Variants in SERPINE3 observed in about 807,000 individuals in gnomAD.
The protein encoded by SERPINE3 is serpin family E member 3.
In SERPINE3, 43 loss-of-function variants were observed where a neutral mutation model predicts 41.7. The observed-to-expected ratio is 1.03, with a 90% CI of 0.81 to 1.33. The LOEUF (loss-of-function observed/expected upper bound fraction) is 1.33, where lower values mean the gene tolerates loss of function less well. SERPINE3 is among the 40% of genes most tolerant of loss of function. The pLI is 0.00. For missense variants in SERPINE3, 440 were observed against 491.7 expected, an observed-to-expected ratio of 0.89 and a Z score of 0.99; for synonymous variants, 200 against 192.2, an observed-to-expected ratio of 1.04 and a Z score of -0.34.
intron 6 of SERPINE3, among the ~76,000 whole-genome samples, chr13:51,349,092 G>T (rs1955381220): frequency 6.6e-6 from 1 of 152,192 alleles, no homozygotes; most frequent in African/African-American, 2.4e-5. Flanking sequence ...TTCTTTAAAT[G>T]ATGAGCTTCT....
intron 5 of SERPINE3, 109 bp from the exon 6 acceptor site, chr13:51,348,104 T>C: frequency 1.3e-6 from 1 of 793,290 alleles, no homozygotes; most frequent in South Asian, 1.8e-5. Flanking sequence ...AGGTGGATGC[T>C]CGGTTTTATT....
chr13:51,351,977 A>G (rs1039619197), intron 6 of SERPINE3, among the ~76,000 whole-genome samples: 1 of 152,120 alleles, frequency 6.6e-6, no homozygotes, highest in African/African-American at 2.4e-5. Flanking sequence ...CTGGACTTTC[A>G]ATTCTATCCT....
intron 9 of SERPINE3, 177 bp from the exon 10 acceptor site, chr13:51,364,062 G>A (rs1219813039): frequency 2.6e-6 from 1 of 388,522 alleles, no homozygotes; most frequent in Non-Finnish European, 4.5e-6. Flanking sequence ...AATATATTCT[G>A]GATTTTGTGT....
intron 7 of SERPINE3, among the ~76,000 whole-genome samples, chr13:51,357,085 C>T (rs1955491900): frequency 6.6e-6 from 1 of 152,180 alleles, no homozygotes; most frequent in Admixed American, 6.5e-5. Flanking sequence ...CCTGCTACAG[C>T]AGCAAAACTG....
At chr13:51,344,747 A>G (rs1419038691) in intron 4 of SERPINE3, among the ~76,000 whole-genome samples, 1 of 152,134 alleles carries the variant, frequency 6.6e-6, no homozygotes, top group East Asian at 1.9e-4. Context: ...ACAAGAACAC[A>G]GAATTGTGCT....
At chr13:51,344,687 C>T (rs1021950850) in intron 4 of SERPINE3, among the ~76,000 whole-genome samples, 1 of 151,956 alleles carries the variant, frequency 6.6e-6, no homozygotes, top group Non-Finnish European at 1.5e-5. Flanking sequence ...CCCTCTCCCA[C>T]ACAAATATAC....
chr13:51,358,875 A>G (rs1955519967), intron 7 of SERPINE3, among the ~76,000 whole-genome samples: 2 of 152,054 alleles, frequency 1.3e-5, no homozygotes, highest in African/African-American at 2.4e-5. Context: ...AGTTTCCCAA[A>G]GTATGTTCCC....
At chr13:51,358,608 T>C (rs1486869642) in intron 7 of SERPINE3, among the ~76,000 whole-genome samples, 1 of 152,142 alleles carries the variant, frequency 6.6e-6, no homozygotes, top group Non-Finnish European at 1.5e-5. Context: ...CTATTATTAA[T>C]TCATCCAGCA....
intron 9 of SERPINE3, chr13:51,363,142 TAGGTAAA>T (rs1183757999): frequency 6.6e-6 from 1 of 151,962 alleles, no homozygotes; most frequent in East Asian, 1.9e-4. Flanking sequence ...TAAAGGTTGA[TAGGTAAA>T]AGAGAGATTC....
chr13:51,340,982 AAC>A lies in SERPINE3; in HGVS notation c.-17-91_-17-90del, dbSNP rs1955283594. 10 of 1,327,822 alleles carry A rather than the reference AAC, an allele frequency of 7.5e-6. 1 individual carries two copies. In the South Asian group the frequency reaches 1.3e-4, roughly 18 times the overall value. 82.3% of individuals were successfully genotyped at this position (1,327,822 alleles called of 1,614,324 possible). On this transcript the variant is annotated intron_variant, in intron 2 of 9. Transcript: ENST00000681248. ...CCCTCAGCCGTCCCTAGCCCCTAAA[AAC>A]AGAGCTGGGGGTCCCAGTCCTCTGT...
chr13:51,352,895 A>T (rs565117574), intron 6 of SERPINE3, among the ~76,000 whole-genome samples: 2 of 152,230 alleles, frequency 1.3e-5, no homozygotes, highest in Admixed American at 6.5e-5. Context: ...TTAATATGGT[A>T]TATTATATTA....
chr13:51,344,400 T>A lies in SERPINE3; in HGVS notation c.405T>A (p.Ala135=), dbSNP rs1955325526. 1 of 1,611,846 alleles carries A rather than the reference T, an allele frequency of 6.2e-7. No homozygotes were observed. The highest frequency in any genetic ancestry group is 1.3e-5 in the African/African-American group (1 of 74,844). Residue 135 remains alanine (A), a synonymous_variant, in exon 4 of 10, where the codon GCT becomes GCA. Transcript: ENST00000681248. ...PCFVEHVSWW[A]NSSLEPADLS... is the part of the protein sequence containing the mutation. ...TTGTGGAGCACGTCTCCTGGTGGGC[T>A]AACAGCAGCCTGGAACCAGCCGACC...
chr13:51,361,877 G>C lies in SERPINE3; in HGVS notation c.1155G>C (p.Leu385=). ...CAGATCGGCCATTCATCTATTTCCT[G>C]AGAGAACCTAACACAGGTATTACAG... ...FKADRPFIYF[L]REPNTGFVFS... Residue 385 remains leucine (L), a synonymous_variant, in exon 9 of 10, where the codon CTG becomes CTC. Transcript: ENST00000681248. The C allele has an allele frequency of 1.2e-6, 2 of 1,611,724 alleles. No individual in the cohort carries two copies. Among genetic ancestry groups the C allele is most frequent in the Non-Finnish European group, 1.7e-6 (2 of 1,178,614 alleles).
chr13:51,344,713 C>A (rs1955329498), intron 4 of SERPINE3, among the ~76,000 whole-genome samples: 1 of 152,162 alleles, frequency 6.6e-6, no homozygotes, highest in African/African-American at 2.4e-5. Context: ...GGCACACACA[C>A]ACACACACGA....
intron 9 of SERPINE3, 115 bp downstream of exon 9, chr13:51,362,008 G>C: frequency 6.2e-7 from 1 of 1,608,438 alleles, no homozygotes; most frequent in Non-Finnish European, 8.5e-7. Context: ...CTGTTTTTAT[G>C]GTGCTTCAGA....
intron 6 of SERPINE3, among the ~76,000 whole-genome samples, chr13:51,352,479 T>TG (rs1398859814): frequency 2.6e-5 from 4 of 152,012 alleles, no homozygotes; most frequent in Admixed American, 1.3e-4. Context: ...AGGTTTTTTT[T>TG]TGTGTGTGTG....
intron 6 of SERPINE3, among the ~76,000 whole-genome samples, chr13:51,353,461 C>G (rs1955430876): frequency 6.6e-6 from 1 of 152,154 alleles, no homozygotes; most frequent in African/African-American, 2.4e-5. Flanking sequence ...CAAAGAGAAG[C>G]AAAGTAACTT....
intron 7 of SERPINE3, among the ~76,000 whole-genome samples, chr13:51,356,285 G>T (rs564589301): frequency 8.5e-4 from 129 of 152,144 alleles, no homozygotes; most frequent in Non-Finnish European, 1.4e-3. Context: ...GACTCAAACA[G>T]AAACTTTCCT....
chr13:51,349,487 A>G (rs1955384592), intron 6 of SERPINE3, among the ~76,000 whole-genome samples: 2 of 152,206 alleles, frequency 1.3e-5, no homozygotes, highest in Non-Finnish European at 2.9e-5. Flanking sequence ...TAATCTTCCT[A>G]TTATATTTGA....
Sources: gnomAD v4.1 joint callset for allele counts (sites outside exome capture counted in the v4.1 genomes callset) on GRCh38, gnomAD v4.1.1 for gene constraint, MANE v1.5 for transcripts, NCBI Gene and HGNC (gene_info 2026-07-23, HGNC 2026-07-21) for gene names.